Variants in RMDN2 observed in about 807,000 individuals in gnomAD.
The protein encoded by RMDN2 is regulator of microtubule dynamics protein 2.
In RMDN2, 61 loss-of-function variants were observed where a neutral mutation model predicts 52.8. The observed-to-expected ratio is 1.16, with a 90% CI of 0.94 to 1.43. The LOEUF (loss-of-function observed/expected upper bound fraction) is 1.43, where lower values mean the gene tolerates loss of function less well. Ranked by LOEUF, RMDN2 falls within the 40% of genes most tolerant of loss-of-function variation. The probability of loss-of-function intolerance (pLI) is 0.00; values close to 1 mark genes in which losing one functional copy is unlikely to be tolerated. For synonymous variants in RMDN2, 180 were observed against 153.1 expected, an observed-to-expected ratio of 1.18 and a Z score of -1.30; for missense variants, 592 against 475.3, an observed-to-expected ratio of 1.25 and a Z score of -2.28.
At chr2:37,948,798 C>T (rs1668447446) in intron 2 of RMDN2, among the ~76,000 whole-genome samples, 1 of 152,158 alleles carries the variant, frequency 6.6e-6, no homozygotes, top group African/African-American at 2.4e-5. Context: ...TTTGTGTCTG[C>T]ATAATCATAG....
At chr2:37,959,883 C>G (rs1455407370) in intron 2 of RMDN2, among the ~76,000 whole-genome samples, 1 of 150,692 alleles carries the variant, frequency 6.6e-6, no homozygotes, top group Non-Finnish European at 1.5e-5. Flanking sequence ...GAACTTATTT[C>G]TGCCTTAATT....
intron 8 of RMDN2, among the ~76,000 whole-genome samples, chr2:38,000,688 T>C (rs1187508598): frequency 6.6e-6 from 1 of 152,220 alleles, no homozygotes; most frequent in African/African-American, 2.4e-5. Context: ...CTCCTTTTCA[T>C]TGCTAAGTAA....
intron 10 of RMDN2, among the ~76,000 whole-genome samples, chr2:38,004,836 T>C (rs1361264611): frequency 6.6e-6 from 1 of 152,084 alleles, no homozygotes; most frequent in Non-Finnish European, 1.5e-5. Flanking sequence ...CTCCTAATGC[T>C]ATCCCTCCCC....
intron 8 of RMDN2, among the ~76,000 whole-genome samples, chr2:38,000,517 C>T (rs1676172954): frequency 6.6e-6 from 1 of 152,176 alleles, no homozygotes. Flanking sequence ...CCATCTCCTG[C>T]CCCAAGTAAC....
intron 2 of RMDN2, among the ~76,000 whole-genome samples, chr2:37,936,248 A>C (rs1425547293): frequency 6.6e-6 from 1 of 152,224 alleles, no homozygotes; most frequent in Non-Finnish European, 1.5e-5. Flanking sequence ...TTAGGGATGC[A>C]TGGTATTCCA....
At chr2:37,926,545 G>C (rs1666294173) in intron 1 of RMDN2, among the ~76,000 whole-genome samples, 1 of 152,032 alleles carries the variant, frequency 6.6e-6, no homozygotes, top group Non-Finnish European at 1.5e-5. Flanking sequence ...CTTTGTATCT[G>C]ATTATTAAAA....
At chr2:37,990,015 C>A (rs905855880) in intron 6 of RMDN2, among the ~76,000 whole-genome samples, 3 of 151,668 alleles carry the variant, frequency 2.0e-5, no homozygotes, top group East Asian at 1.9e-4. Flanking sequence ...TGGTGGCGGG[C>A]GCCTATAGTC....
At chr2:37,998,377 A>G (rs558076135) in intron 8 of RMDN2, 1 of 152,274 alleles carries the variant, frequency 6.6e-6, no homozygotes, top group South Asian at 2.1e-4. Flanking sequence ...AAAATAAAAA[A>G]ATTTGCTGGG....
chr2:38,055,052 G>A (rs1036080544), intron 10 of RMDN2, among the ~76,000 whole-genome samples: 2 of 152,128 alleles, frequency 1.3e-5, no homozygotes, highest in Non-Finnish European at 2.9e-5. Context: ...TATCAGTTTT[G>A]TATTGCAAGC....
chr2:37,963,297 G>C (rs781178165), intron 2 of RMDN2: 1 of 146,564 alleles, frequency 6.8e-6, no homozygotes, highest in Non-Finnish European at 1.5e-5. Context: ...TTATTAATTT[G>C]GCTTCATACA....
At chr2:38,043,112 T>G (rs1337956915) in intron 10 of RMDN2, among the ~76,000 whole-genome samples, 2 of 152,160 alleles carry the variant, frequency 1.3e-5, no homozygotes, top group Non-Finnish European at 2.9e-5. Context: ...GCTATAAGAG[T>G]GGATTTGTCT....
At position 37,929,657 on chromosome 2, in the gene RMDN2, G is replaced by T. The variant is rs1390682006; in HGVS notation, c.380G>T (p.Arg127Ile). The stretch of plus-strand genomic sequence containing the variant: ...AAGATAAGCCCTCAGCACAGAGCGA[G>T]AAAAAGAAGACTCCCCACAATTCAA... ...VHKISPQHRA[R>I]KRRLPTIQSS... The change falls in exon 2 of 11, where the codon AGA (arginine) becomes ATA (isoleucine). Residue 127 changes from arginine to isoleucine, a missense_variant. Transcript: ENST00000354545. 2 of 1,541,494 alleles carry T rather than the reference G, an allele frequency of 1.3e-6. No individual in the cohort carries two copies. The highest frequency in any genetic ancestry group is 4.1e-5 in the Admixed American group (2 of 48,422).
intron 2 of RMDN2, among the ~76,000 whole-genome samples, chr2:37,955,407 G>T (rs1669320213): frequency 6.6e-6 from 1 of 152,242 alleles, no homozygotes; most frequent in African/African-American, 2.4e-5. Context: ...ATAAAAAGGT[G>T]ATAAATTTTG....
At position 37,989,610 on chromosome 2, in the gene RMDN2, C is replaced by T; in HGVS notation, c.861C>T (p.Leu287=). The T allele has an allele frequency of 2.5e-6, 4 of 1,585,902 alleles. No homozygotes were observed. Among genetic ancestry groups the T allele is most frequent in the South Asian group, 1.2e-5 (1 of 85,900 alleles). ...AAAACAAAATCAACTATGGGCACCTCTTCAAGGTATTTCTTTTTTTTTTTT... is the reference window on the plus strand; with the variant it reads ...AAAACAAAATCAACTATGGGCACCTTTTCAAGGTATTTCTTTTTTTTTTTT... ...GLQNKINYGH[L]FKEHLDIAIK... The change falls in exon 6 of 11, where the codon CTC becomes CTT. Residue 287 remains leucine (L), a synonymous_variant. Transcript: ENST00000354545.
downstream of RMDN2, among the ~76,000 whole-genome samples, chr2:38,019,021 G>C (rs79259730): frequency 9.2e-3 from 1,399 of 152,308 alleles, 15 homozygotes; most frequent in African/African-American, 0.029. Flanking sequence ...AGTCCAGCTG[G>C]TTCTCACTTT....
chr2:38,018,747 A>G (rs1679107653), downstream of RMDN2, among the ~76,000 whole-genome samples: 1 of 152,216 alleles, frequency 6.6e-6, no homozygotes, highest in African/African-American at 2.4e-5. Flanking sequence ...AATAATAAAT[A>G]AAGTGATTTT....
chr2:38,016,113 G>T (rs1243076052), intron 10 of RMDN2, among the ~76,000 whole-genome samples: 4 of 152,238 alleles, frequency 2.6e-5, no homozygotes, highest in African/African-American at 4.8e-5. Flanking sequence ...GTACGCAAAG[G>T]AGAGTAACAC....
intron 10 of RMDN2, among the ~76,000 whole-genome samples, chr2:38,008,868 C>T (rs561352613): frequency 1.1e-3 from 171 of 152,264 alleles, no homozygotes; most frequent in Admixed American, 0.01. Context: ...ATGTTGAGTG[C>T]TTCCTTCAGG....
At chr2:38,056,926 A>G (rs1681874214) in intron 10 of RMDN2, among the ~76,000 whole-genome samples, 1 of 152,128 alleles carries the variant, frequency 6.6e-6, no homozygotes, top group African/African-American at 2.4e-5. Flanking sequence ...CACTTGCAAT[A>G]TGGAATATTG....
Sources: gnomAD v4.1 joint callset for allele counts (sites outside exome capture counted in the v4.1 genomes callset) on GRCh38, gnomAD v4.1.1 for gene constraint, MANE v1.5 for transcripts, NCBI Gene and HGNC (gene_info 2026-07-23, HGNC 2026-07-21) for gene names.